The following TLK2 variants were observed in gnomAD, a reference collection of about 807,000 sequenced individuals.
The protein encoded by TLK2 is tousled like kinase 2.
In TLK2, 6 loss-of-function variants were observed where a neutral mutation model predicts 117.3. The observed-to-expected ratio is 0.05, with a 90% confidence interval of 0.03 to 0.10. The LOEUF (loss-of-function observed/expected upper bound fraction) is 0.10. Among genes scored for constraint, TLK2 ranks in the 10% least tolerant of loss-of-function variants. The pLI is 1.00. For synonymous variants in TLK2, 257 were observed against 316.7 expected, an observed-to-expected ratio of 0.81 and a Z score of 2.00; for missense variants, 299 against 901.2, an observed-to-expected ratio of 0.33 and a Z score of 8.56.
chr17:62,536,818 C>A (rs1443322814), intron 7 of TLK2, among the ~76,000 whole-genome samples: 3 of 152,212 alleles, frequency 2.0e-5, no homozygotes, highest in African/African-American at 7.2e-5. Flanking sequence ...TTTCTCACCC[C>A]TTCAGAGTGT....
At chr17:62,561,219 A>G (rs915052680) in intron 10 of TLK2, among the ~76,000 whole-genome samples, 2 of 152,176 alleles carry the variant, frequency 1.3e-5, no homozygotes, top group Non-Finnish European at 2.9e-5. Context: ...TTCTTAATCC[A>G]GTCTATCATT....
intron 2 of TLK2, among the ~76,000 whole-genome samples, chr17:62,518,305 G>T (rs1450272771): frequency 6.6e-6 from 1 of 152,174 alleles, no homozygotes; most frequent in Non-Finnish European, 1.5e-5. Flanking sequence ...GTTTTATTCA[G>T]TGCAGTAAAA....
At chr17:62,481,795 T>C (rs1598096209) in intron 2 of TLK2, among the ~76,000 whole-genome samples, 1 of 152,336 alleles carries the variant, frequency 6.6e-6, no homozygotes. Context: ...TACCCACTGG[T>C]CCACCCCTCT....
intron 11 of TLK2, among the ~76,000 whole-genome samples, chr17:62,567,272 T>G (rs2079871628): frequency 6.6e-6 from 1 of 152,172 alleles, no homozygotes; most frequent in African/African-American, 2.4e-5. Flanking sequence ...TTAAACTTAC[T>G]GCTTATAGTA....
chr17:62,510,951 A>G (rs1356019524), intron 2 of TLK2, among the ~76,000 whole-genome samples: 1 of 152,170 alleles, frequency 6.6e-6, no homozygotes, highest in Non-Finnish European at 1.5e-5. Context: ...TAAAACCCCA[A>G]AAACTTTAGA....
intron 11 of TLK2, among the ~76,000 whole-genome samples, chr17:62,566,436 A>G (rs540866851): frequency 9.2e-5 from 14 of 152,358 alleles, no homozygotes; most frequent in African/African-American, 3.4e-4. Context: ...GTGAAACATT[A>G]ACCTCCAACT....
intron 11 of TLK2, among the ~76,000 whole-genome samples, chr17:62,572,417 G>GTT (rs759144153): frequency 7.0e-6 from 1 of 142,298 alleles, no homozygotes; most frequent in African/African-American, 2.6e-5. Context: ...GAGAGAAAGT[G>GTT]TTTTTTTTTT....
At chr17:62,583,058 A>G (rs967917516) in intron 15 of TLK2, among the ~76,000 whole-genome samples, 11 of 151,866 alleles carry the variant, frequency 7.2e-5, no homozygotes, top group African/African-American at 2.7e-4. Flanking sequence ...TCTCTCGCCT[A>G]CCGTGTATAG....
intron 2 of TLK2, among the ~76,000 whole-genome samples, chr17:62,484,105 A>G (rs2072035039): frequency 6.6e-6 from 1 of 152,078 alleles, no homozygotes; most frequent in Non-Finnish European, 1.5e-5. Flanking sequence ...TATAGGTGTG[A>G]GCCACTGTGC....
At chr17:62,610,196 G>A (rs1204305091) in intron 21 of TLK2, among the ~76,000 whole-genome samples, 1 of 152,232 alleles carries the variant, frequency 6.6e-6, no homozygotes, top group Non-Finnish European at 1.5e-5. Flanking sequence ...TTTAGAGTCT[G>A]TTAGATGAAC....
At chr17:62,489,448 A>G (rs1385310781) in intron 2 of TLK2, among the ~76,000 whole-genome samples, 1 of 152,072 alleles carries the variant, frequency 6.6e-6, no homozygotes, top group Non-Finnish European at 1.5e-5. Context: ...ACCTCAGGCG[A>G]TCCGCCAGCC....
chr17:62,517,539 C>T (rs576349556), intron 2 of TLK2, among the ~76,000 whole-genome samples: 5 of 151,798 alleles, frequency 3.3e-5, no homozygotes, highest in African/African-American at 9.6e-5. Flanking sequence ...GGACTACAGG[C>T]GCCCGCCACT....
At chr17:62,472,935 C>T (rs2070969030) in intron 1 of TLK2, among the ~76,000 whole-genome samples, 1 of 152,198 alleles carries the variant, frequency 6.6e-6, no homozygotes, top group African/African-American at 2.4e-5. Context: ...TGGCTGTCCA[C>T]AGCAGACAGC....
intron 2 of TLK2, among the ~76,000 whole-genome samples, chr17:62,504,818 A>G (rs1044707860): frequency 2.6e-5 from 4 of 152,058 alleles, no homozygotes; most frequent in Non-Finnish European, 5.9e-5. Context: ...TAAAAAATGT[A>G]TATATATAGT....
At chr17:62,476,239 C>G (rs1405150466), upstream of TLK2, among the ~76,000 whole-genome samples, 4 of 152,050 alleles carry the variant, frequency 2.6e-5, no homozygotes, top group Non-Finnish European at 5.9e-5. Flanking sequence ...CTTAGCCTCC[C>G]AGAGTGCTGG....
intron 2 of TLK2, among the ~76,000 whole-genome samples, chr17:62,486,751 A>G (rs1397904762): frequency 6.6e-6 from 1 of 152,220 alleles, no homozygotes; most frequent in East Asian, 1.9e-4. Context: ...TACTGTTCCA[A>G]CAGTACAACA....
At chr17:62,473,579 C>G (rs529936606) in intron 1 of TLK2, among the ~76,000 whole-genome samples, 1 of 152,218 alleles carries the variant, frequency 6.6e-6, no homozygotes, top group Non-Finnish European at 1.5e-5. Context: ...AGCCCCACCC[C>G]AGACTGGCTG....
At chr17:62,574,786 G>A (rs1281551093) in intron 12 of TLK2, among the ~76,000 whole-genome samples, 2 of 152,180 alleles carry the variant, frequency 1.3e-5, no homozygotes, top group African/African-American at 2.4e-5. Flanking sequence ...AAAGTGCTGG[G>A]ATTACAGGTG....
intron 14 of TLK2, among the ~76,000 whole-genome samples, chr17:62,578,838 A>G (rs916703705): frequency 2.0e-5 from 3 of 152,212 alleles, no homozygotes; most frequent in African/African-American, 7.2e-5. Context: ...TACTAAAACA[A>G]TATGGCTTTG....
Sources: gnomAD v4.1 joint callset for allele counts (sites outside exome capture counted in the v4.1 genomes callset) on GRCh38, gnomAD v4.1.1 for gene constraint, MANE v1.5 for transcripts, NCBI Gene and HGNC (gene_info 2026-07-23, HGNC 2026-07-21) for gene names.